Variants in PTPRR observed in about 807,000 individuals in gnomAD.
PTPRR encodes receptor-type tyrosine-protein phosphatase R.
Under a neutral mutation model 77.2 loss-of-function variants are expected in PTPRR, and 38 were observed. That is an observed-to-expected ratio of 0.49 (90% CI 0.38 to 0.65). The LOEUF is 0.65. Ranked by LOEUF, PTPRR falls within the 30% of genes least tolerant of loss-of-function variation. PTPRR has a pLI of 0.00. For missense variants in PTPRR, 744 were observed against 799.2 expected (o/e 0.93, Z 0.83); for synonymous variants, 299 against 283.1 (o/e 1.06, Z -0.57).
intron 2 of PTPRR, among the ~76,000 whole-genome samples, chr12:70,786,970 T>C (rs7955573): frequency 0.95 from 144,094 of 152,226 alleles, 68,413 homozygotes; most frequent in East Asian, 1. Context: ...TTTTTGTGGT[T>C]CTTTCAACTG....
At chr12:70,659,222 G>A (rs1163971322) in intron 12 of PTPRR, among the ~76,000 whole-genome samples, 1 of 151,976 alleles carries the variant, frequency 6.6e-6, no homozygotes, top group East Asian at 1.9e-4. Flanking sequence ...GCTTTGAGCA[G>A]AGACTCCATG....
chr12:70,657,758 A>G (rs569579534), intron 12 of PTPRR, among the ~76,000 whole-genome samples: 66 of 152,164 alleles, frequency 4.3e-4, no homozygotes, highest in Non-Finnish European at 8.7e-4. Context: ...TCTTGGAACC[A>G]TCTTTTACAT....
intron 2 of PTPRR, among the ~76,000 whole-genome samples, chr12:70,807,003 A>G (rs1891721984): frequency 6.6e-6 from 1 of 152,230 alleles, no homozygotes; most frequent in African/African-American, 2.4e-5. Flanking sequence ...GTGTGGTCAC[A>G]TAGCACAGTT....
At chr12:70,778,312 C>T (rs1213295155) in intron 2 of PTPRR, among the ~76,000 whole-genome samples, 1 of 152,076 alleles carries the variant, frequency 6.6e-6, no homozygotes, top group Non-Finnish European at 1.5e-5. Flanking sequence ...TTGCCTTTCC[C>T]ACCCCTCATC....
At chr12:70,893,563 A>G (rs1324043777) in intron 1 of PTPRR, among the ~76,000 whole-genome samples, 1 of 151,854 alleles carries the variant, frequency 6.6e-6, no homozygotes, top group South Asian at 2.1e-4. Context: ...CTAGATAGAG[A>G]CTACATTTCT....
intron 6 of PTPRR, among the ~76,000 whole-genome samples, chr12:70,710,149 C>T (rs190872873): frequency 2.1e-4 from 32 of 152,220 alleles, no homozygotes; most frequent in African/African-American, 7.7e-4. Context: ...TGACTTCAAA[C>T]TATACTACAG....
At chr12:70,833,153 C>G (rs1267855504) in intron 2 of PTPRR, among the ~76,000 whole-genome samples, 1 of 152,054 alleles carries the variant, frequency 6.6e-6, no homozygotes, top group East Asian at 1.9e-4. Context: ...GAACAAATAT[C>G]CTAACCATAT....
chr12:70,776,964 T>C (rs1234680790), intron 2 of PTPRR, among the ~76,000 whole-genome samples: 1 of 152,134 alleles, frequency 6.6e-6, no homozygotes, highest in East Asian at 1.9e-4. Context: ...TAGCCCTTCA[T>C]CCTAATCCGC....
At position 70,786,750 on chromosome 12, in the gene PTPRR, C is replaced by T. The variant is rs543165682; in HGVS notation, c.358-21972G>A. Among the ~76,000 whole-genome samples the T allele has an allele frequency of 1.1e-4, 16 of 152,268 alleles. No individual in the cohort carries two copies. In the East Asian group the frequency reaches 1.7e-3, roughly 17 times the overall value. ...AATGGGATTCTGTGTTTTCACTTTT[C>T]TGGTGAACTATACAATTCTCCAAGA... On this transcript the variant is annotated intron_variant, in intron 2 of 13. Coordinates refer to ENST00000283228, the MANE Select transcript of PTPRR (RefSeq NM_002849.4).
At chr12:70,728,527 G>GAATA (rs1889536788) in intron 6 of PTPRR, among the ~76,000 whole-genome samples, 1 of 48,168 alleles carries the variant, frequency 2.1e-5, no homozygotes, top group African/African-American at 1.1e-4. Context: ...TCCAAAATCT[G>GAATA]AATATATATA....
intron 5 of PTPRR, among the ~76,000 whole-genome samples, chr12:70,749,319 GGTCAA>G (rs943969749): frequency 1.3e-5 from 2 of 152,010 alleles, no homozygotes; most frequent in African/African-American, 4.8e-5. Context: ...GCATGTTCTT[GGTCAA>G]GTCATTTATT....
At chr12:70,841,023 C>A (rs1297904653) in intron 2 of PTPRR, among the ~76,000 whole-genome samples, 1 of 148,988 alleles carries the variant, frequency 6.7e-6, no homozygotes, top group African/African-American at 2.5e-5. Flanking sequence ...TAAAACAGCC[C>A]TGCAACCAAG....
At chr12:70,728,706 C>A (rs996176794) in intron 6 of PTPRR, among the ~76,000 whole-genome samples, 1 of 151,566 alleles carries the variant, frequency 6.6e-6, no homozygotes, top group Non-Finnish European at 1.5e-5. Context: ...GGATATTCAA[C>A]CTGTACTGAC....
At chr12:70,642,270 C>A (rs1466690700) in intron 13 of PTPRR, among the ~76,000 whole-genome samples, 1 of 152,090 alleles carries the variant, frequency 6.6e-6, no homozygotes, top group African/African-American at 2.4e-5. Context: ...TAGCTTTCTC[C>A]CATCCTGTAA....
At position 70,657,380 on chromosome 12, in the gene PTPRR, T is replaced by C. The variant is rs1396833128; in HGVS notation, c.1767-563A>G. 4.6e-5 allele frequency among the ~76,000 whole-genome samples: 7 copies of C among 152,200 alleles called. No individual in the cohort carries two copies. The South Asian group carries it at 1.2e-3, about 27-fold the overall frequency. ...GATTCATTTTAGGAGAGGGTGCAGCTAGAGGCACATATTTCCAAGAGATTT... is the reference window on the plus strand; with the variant it reads ...GATTCATTTTAGGAGAGGGTGCAGCCAGAGGCACATATTTCCAAGAGATTT... On this transcript the variant is annotated intron_variant, in intron 12 of 13. Transcript: ENST00000283228.
intron 6 of PTPRR, among the ~76,000 whole-genome samples, chr12:70,703,510 A>C (rs1313585932): frequency 6.6e-6 from 1 of 152,170 alleles, no homozygotes; most frequent in Non-Finnish European, 1.5e-5. Flanking sequence ...AAGAGCAAAG[A>C]ATGGTTCTAC....
At chr12:70,804,458 C>T (rs997571144) in intron 2 of PTPRR, among the ~76,000 whole-genome samples, 3 of 151,790 alleles carry the variant, frequency 2.0e-5, no homozygotes, top group African/African-American at 7.3e-5. Flanking sequence ...ACTTGGGAGG[C>T]TGAGGTGGGA....
intron 2 of PTPRR, among the ~76,000 whole-genome samples, chr12:70,803,773 G>A (rs1475563560): frequency 5.3e-5 from 8 of 152,132 alleles, no homozygotes; most frequent in Non-Finnish European, 1.0e-4. Context: ...TAGGCCATTT[G>A]TATCTATTTG....
chr12:70,918,746 TA>T (rs1469530818), intron 1 of PTPRR, among the ~76,000 whole-genome samples: 1 of 152,228 alleles, frequency 6.6e-6, no homozygotes, highest in Non-Finnish European at 1.5e-5. Context: ...GCAGACCAGC[TA>T]AATCATTGCT....
Sources: gnomAD v4.1 joint callset for allele counts (sites outside exome capture counted in the v4.1 genomes callset) on GRCh38, gnomAD v4.1.1 for gene constraint, MANE v1.5 for transcripts, NCBI Gene and HGNC (gene_info 2026-07-23, HGNC 2026-07-21) for gene names.